MCC: variants seen among roughly 807,000 people sequenced by gnomAD.
The protein encoded by MCC is colorectal mutant cancer protein.
In MCC, 90 loss-of-function variants were observed where a neutral mutation model predicts 116.2. The observed-to-expected ratio is 0.77, with a 90% CI of 0.65 to 0.92. The LOEUF is 0.92. MCC is among the 40% of genes least tolerant of loss of function. The pLI is 0.00. For missense variants in MCC, 1,516 were observed against 1,312.2 expected, an observed-to-expected ratio of 1.16 and a Z score of -2.40; for synonymous variants, 578 against 510.5, an observed-to-expected ratio of 1.13 and a Z score of -1.78.
intron 5 of MCC, 46 bp downstream of exon 5, chr5:113,143,171 AG>A (rs1442720048): frequency 1.3e-5 from 20 of 1,526,572 alleles, no homozygotes; most frequent in Non-Finnish European, 1.7e-5. Flanking sequence ...TCCAAGATGG[AG>A]GGTTTAGCAG....
chr5:113,364,645 A>G lies in MCC; in HGVS notation c.415+20323T>C, dbSNP rs1480636815. 2.0e-5 allele frequency among the ~76,000 whole-genome samples: 3 copies of G among 152,350 alleles called. 1 individual carries two copies. In the South Asian group the frequency reaches 6.2e-4, roughly 32 times the overall value. On this transcript the variant is annotated intron_variant, in intron 2 of 18. Coordinates refer to ENST00000408903, the MANE Select transcript of MCC (RefSeq NM_001085377.2). ...TTTCCCCTTCATATTGTCCTAGTAC[A>G]GGTTCTCCATGAGGGCTCTGCCTCA...
intron 5 of MCC, among the ~76,000 whole-genome samples, chr5:113,133,384 G>A (rs1285588726): frequency 3.9e-5 from 6 of 151,948 alleles, no homozygotes; most frequent in South Asian, 2.1e-4. Flanking sequence ...AAGAACATGC[G>A]ATATTTGTCT....
At chr5:113,035,790 T>A (rs1471737917) in intron 17 of MCC, among the ~76,000 whole-genome samples, 1 of 152,180 alleles carries the variant, frequency 6.6e-6, no homozygotes, top group Non-Finnish European at 1.5e-5. Context: ...TATTATTCAT[T>A]GCAAACTAAA....
intron 1 of MCC, among the ~76,000 whole-genome samples, chr5:113,465,218 C>A (rs1561586605): frequency 6.6e-6 from 1 of 151,100 alleles, no homozygotes. Flanking sequence ...AAAAAAGATC[C>A]ATAATGAGAT....
chr5:113,292,708 T>G (rs896147863), intron 3 of MCC, among the ~76,000 whole-genome samples: 6 of 152,200 alleles, frequency 3.9e-5, no homozygotes, highest in African/African-American at 1.4e-4. Flanking sequence ...TAGCCCCCCC[T>G]TCTCCTAAGT....
chr5:113,098,624 T>C (rs58572166), intron 8 of MCC, among the ~76,000 whole-genome samples: 8,329 of 152,254 alleles, frequency 0.055, 278 homozygotes, highest in East Asian at 0.11. Flanking sequence ...GCTCCTTAGG[T>C]ACTGCTCTGC....
At chr5:113,289,768 A>C (rs1215320162) in intron 3 of MCC, among the ~76,000 whole-genome samples, 4 of 152,012 alleles carry the variant, frequency 2.6e-5, no homozygotes, top group African/African-American at 4.8e-5. Context: ...TTCCCCCTGA[A>C]CTCTGCCCAA....
intron 2 of MCC, among the ~76,000 whole-genome samples, chr5:113,368,417 T>A (rs938658327): frequency 2.0e-5 from 3 of 152,212 alleles, no homozygotes; most frequent in Non-Finnish European, 2.9e-5. Context: ...TTTTTCCCTT[T>A]GTTTTCTTTG....
At chr5:113,452,915 T>C (rs529511553) in intron 1 of MCC, among the ~76,000 whole-genome samples, 5 of 152,380 alleles carry the variant, frequency 3.3e-5, no homozygotes, top group African/African-American at 1.2e-4. Flanking sequence ...GGCTTGTATA[T>C]AATTATTGTT....
chr5:113,162,452 C>G (rs760152275), intron 3 of MCC, among the ~76,000 whole-genome samples: 1 of 152,062 alleles, frequency 6.6e-6, no homozygotes, highest in Non-Finnish European at 1.5e-5. Context: ...ATCACTTAAC[C>G]ACAACATCAG....
intron 1 of MCC, among the ~76,000 whole-genome samples, chr5:113,478,787 A>C (rs372390804): frequency 2.6e-5 from 4 of 152,190 alleles, no homozygotes; most frequent in African/African-American, 9.7e-5. Context: ...TTCCTCAGGC[A>C]AAGCAGTCTC....
intron 3 of MCC, among the ~76,000 whole-genome samples, chr5:113,159,761 T>C (rs1286821910): frequency 6.6e-6 from 1 of 152,182 alleles, no homozygotes; most frequent in Non-Finnish European, 1.5e-5. Flanking sequence ...GCCTGTTCAG[T>C]GACTTCTAGG....
intron 16 of MCC, 127 bp downstream of exon 16, chr5:113,048,966 T>C: frequency 1.2e-6 from 1 of 825,762 alleles, no homozygotes; most frequent in Middle Eastern, 3.0e-4. Flanking sequence ...TACCTACGAA[T>C]GGCCTGCATT....
intron 1 of MCC, among the ~76,000 whole-genome samples, chr5:113,401,016 T>C (rs903043603): frequency 2.6e-5 from 4 of 152,200 alleles, no homozygotes; most frequent in Admixed American, 6.5e-5. Context: ...CTGAAAGATA[T>C]AGAAAGAGGG....
chr5:113,384,997 GA>G lies in MCC; in HGVS notation c.385del (p.Ser129ProfsTer71). On this transcript the variant is annotated frameshift_variant, in exon 2 of 19. Coordinates refer to ENST00000408903, the MANE Select transcript of MCC (RefSeq NM_001085377.2). LOFTEE classifies it high-confidence loss of function. ...ACTGTTGTCACTGCTCGTGGGCCAG[GA>G]AGCAATTCTATCCCTCAGCTTCTTT... ...CTKKLRDRIA[S>X]WPTSSDNSLG... 4 of 1,614,226 alleles carry G rather than the reference GA, an allele frequency of 2.5e-6. 1 individual carries two copies. Among genetic ancestry groups the G allele is most frequent in the Non-Finnish European group, 3.4e-6 (4 of 1,180,038 alleles).
At chr5:113,447,858 G>A (rs188349606) in intron 1 of MCC, among the ~76,000 whole-genome samples, 2 of 152,254 alleles carry the variant, frequency 1.3e-5, no homozygotes, top group African/African-American at 4.8e-5. Flanking sequence ...CACCGAGAGA[G>A]AGCATTTTGA....
chr5:113,212,268 C>G (rs1763161809), intron 3 of MCC, among the ~76,000 whole-genome samples: 1 of 152,098 alleles, frequency 6.6e-6, no homozygotes, highest in South Asian at 2.1e-4. Flanking sequence ...AAAAGCCATT[C>G]CCCTTTCTCT....
chr5:113,028,828 A>T, intron 18 of MCC, 106 bp downstream of exon 18: 1 of 1,346,662 alleles, frequency 7.4e-7, no homozygotes, highest in Non-Finnish European at 1.0e-6. Flanking sequence ...GTTAGTTCTT[A>T]AGAGTTAGGG....
chr5:113,205,124 C>T (rs754193925), intron 3 of MCC, among the ~76,000 whole-genome samples: 1 of 152,152 alleles, frequency 6.6e-6, no homozygotes, highest in Non-Finnish European at 1.5e-5. Context: ...TCTCCCTCAC[C>T]CCCTGCCTTA....
Sources: gnomAD v4.1 joint callset for allele counts (sites outside exome capture counted in the v4.1 genomes callset) on GRCh38, gnomAD v4.1.1 for gene constraint, MANE v1.5 for transcripts, NCBI Gene and HGNC (gene_info 2026-07-23, HGNC 2026-07-21) for gene names.